The following ODAD2 variants were observed in gnomAD, a reference collection of about 807,000 sequenced individuals.
ODAD2 encodes the protein outer dynein arm-docking complex subunit 2.
ODAD2 carries 89 observed loss-of-function variants against 106.8 expected under a neutral mutation model. The observed-to-expected ratio is 0.83, with a 90% CI of 0.70 to 0.99. The LOEUF (loss-of-function observed/expected upper bound fraction) is 0.99. Among genes scored for constraint, ODAD2 ranks in the 50% least tolerant of loss-of-function variants. The pLI is 0.00. For synonymous variants in ODAD2, 404 were observed against 436.2 expected (o/e 0.93, Z 0.92); for missense variants, 1,168 against 1,238.5 (o/e 0.94, Z 0.85).
chr10:27,936,605 A>C (rs1845990430), intron 15 of ODAD2, 121 bp downstream of exon 15: 1 of 1,157,030 alleles, frequency 8.6e-7, no homozygotes, highest in Non-Finnish European at 1.3e-6. Context: ...GGCTAACTTC[A>C]TCCAGAATGT....
rs80223258 is a variant in ODAD2 at position 27,831,961 on chromosome 10, C to T, written c.3022-19336G>A. ...CACCCTTCTAGGTGCCTGCCTTGAC[C>T]CACAGTGCATCATTGCTCCTGCACA... On this transcript the variant is annotated intron_variant, in intron 19 of 19. Transcript: ENST00000305242. Among the ~76,000 whole-genome samples, 1,021 of 152,350 alleles carry T rather than the reference C, an allele frequency of 6.7e-3. 10 individuals carry two copies. Among genetic ancestry groups the T allele is most frequent in the African/African-American group, 0.023 (961 of 41,580 alleles).
At chr10:27,903,249 C>G (rs896009095) in intron 17 of ODAD2, among the ~76,000 whole-genome samples, 1 of 152,116 alleles carries the variant, frequency 6.6e-6, no homozygotes, top group Non-Finnish European at 1.5e-5. Context: ...AAATTCAACA[C>G]TCATTCATGC....
rs779614963 is a variant in ODAD2, at chr10:27,986,684, C to T, written c.382+702G>A. Among the ~76,000 whole-genome samples, 27 of 152,294 alleles carry T rather than the reference C, an allele frequency of 1.8e-4. 1 individual carries two copies. The highest frequency in any genetic ancestry group is 3.1e-4 in the Non-Finnish European group (21 of 68,026). ...GTCACATAATTCCAATAAAGCAGGA[C>T]GCATACATTATCACCTATGATTAGG... On this transcript the variant is annotated intron_variant, in intron 3 of 19. Coordinates refer to ENST00000305242, the MANE Select transcript of ODAD2 (RefSeq NM_018076.5).
At chr10:27,989,212 CA>C in intron 2 of ODAD2, among the ~76,000 whole-genome samples, 1 of 152,096 alleles carries the variant, frequency 6.6e-6, no homozygotes, top group East Asian at 1.9e-4. Context: ...AGGTTTGGGG[CA>C]ATGTGTTACA....
chr10:27,863,934 G>C (rs1840252743), intron 17 of ODAD2, among the ~76,000 whole-genome samples: 1 of 152,200 alleles, frequency 6.6e-6, no homozygotes, highest in Admixed American at 6.5e-5. Flanking sequence ...ATCCTTCAGG[G>C]AGCATCTTGG....
intron 19 of ODAD2, among the ~76,000 whole-genome samples, chr10:27,849,080 C>T (rs905639298): frequency 1.3e-5 from 2 of 152,206 alleles, no homozygotes; most frequent in Non-Finnish European, 2.9e-5. Flanking sequence ...ATAAAGCATG[C>T]TGCTATAAAG....
intron 17 of ODAD2, among the ~76,000 whole-genome samples, chr10:27,899,759 T>C (rs1387600710): frequency 6.6e-6 from 1 of 152,156 alleles, no homozygotes; most frequent in African/African-American, 2.4e-5. Flanking sequence ...AGACTGCCTC[T>C]CTAGATTCCT....
intron 19 of ODAD2, among the ~76,000 whole-genome samples, chr10:27,851,998 T>C (rs1022988693): frequency 6.6e-6 from 1 of 151,956 alleles, no homozygotes; most frequent in Non-Finnish European, 1.5e-5. Context: ...TCTAAAACAA[T>C]GCAGGTGATA....
intron 19 of ODAD2, among the ~76,000 whole-genome samples, chr10:27,817,031 T>A (rs1268616164): frequency 6.6e-6 from 1 of 152,174 alleles, no homozygotes; most frequent in East Asian, 1.9e-4. Context: ...ATTACAGGCA[T>A]GAGCCACCGT....
At chr10:27,963,352 T>C (rs1455062981) in intron 9 of ODAD2, among the ~76,000 whole-genome samples, 1 of 151,964 alleles carries the variant, frequency 6.6e-6, no homozygotes. Flanking sequence ...TCACAACCAC[T>C]TTGCAAAGCA....
chr10:27,929,384 T>G (rs1845462029), intron 16 of ODAD2, among the ~76,000 whole-genome samples: 1 of 152,170 alleles, frequency 6.6e-6, no homozygotes, highest in Non-Finnish European at 1.5e-5. Flanking sequence ...TGCCCTGAGA[T>G]GACTTTGTTT....
chr10:27,909,670 T>G (rs1843849688), intron 16 of ODAD2, among the ~76,000 whole-genome samples: 1 of 151,788 alleles, frequency 6.6e-6, no homozygotes, highest in Non-Finnish European at 1.5e-5. Flanking sequence ...ATACAAAAAT[T>G]AGTCAGGCTT....
intron 10 of ODAD2, among the ~76,000 whole-genome samples, chr10:27,946,647 G>T (rs1253612459): frequency 6.6e-6 from 1 of 151,926 alleles, no homozygotes; most frequent in Non-Finnish European, 1.5e-5. Context: ...ACTGTATTTT[G>T]TACCTCTTAA....
chr10:27,901,004 C>G (rs554120800), intron 17 of ODAD2, among the ~76,000 whole-genome samples: 1 of 152,120 alleles, frequency 6.6e-6, no homozygotes, highest in Non-Finnish European at 1.5e-5. Context: ...CCCCAAGACA[C>G]ATAATCATCA....
chr10:27,927,020 T>TCA (rs1233385043), intron 16 of ODAD2, among the ~76,000 whole-genome samples: 1 of 152,084 alleles, frequency 6.6e-6, no homozygotes, highest in Non-Finnish European at 1.5e-5. Flanking sequence ...TTAGATCTGG[T>TCA]GGTGGGGCAT....
chr10:27,864,811 T>C (rs1189157791), intron 17 of ODAD2, among the ~76,000 whole-genome samples: 1 of 152,104 alleles, frequency 6.6e-6, no homozygotes, highest in Non-Finnish European at 1.5e-5. Context: ...TTCACATCTT[T>C]TGCATCCCAA....
At chr10:27,923,949 A>G (rs1311968157) in intron 16 of ODAD2, among the ~76,000 whole-genome samples, 1 of 40,718 alleles carries the variant, frequency 2.5e-5, no homozygotes, top group Non-Finnish European at 4.7e-5. Flanking sequence ...GTCTAATGAA[A>G]GAAAGAAAGA....
intron 2 of ODAD2, among the ~76,000 whole-genome samples, chr10:27,993,970 ATATATGTG>A (rs1267400058): frequency 1.8e-5 from 2 of 108,530 alleles, no homozygotes; most frequent in African/African-American, 6.2e-5. Flanking sequence ...ATATATATAT[ATATATGTG>A]TGTGTGTGTG....
intron 16 of ODAD2, among the ~76,000 whole-genome samples, chr10:27,914,779 G>T (rs1459238192): frequency 2.6e-5 from 4 of 151,942 alleles, no homozygotes; most frequent in African/African-American, 9.7e-5. Flanking sequence ...GAAAACTACA[G>T]TATTAGAAAT....
Sources: gnomAD v4.1 joint callset for allele counts (sites outside exome capture counted in the v4.1 genomes callset) on GRCh38, gnomAD v4.1.1 for gene constraint, MANE v1.5 for transcripts, NCBI Gene and HGNC (gene_info 2026-07-23, HGNC 2026-07-21) for gene names.